Variants in KCND2 observed in about 807,000 individuals in gnomAD.
KCND2 encodes A-type voltage-gated potassium channel KCND2.
In KCND2, 16 loss-of-function variants were observed where a neutral mutation model predicts 54.4. That is an observed-to-expected ratio of 0.29 (90% CI 0.20 to 0.45). The LOEUF (loss-of-function observed/expected upper bound fraction) is 0.45, where lower values mean the gene tolerates loss of function less well. Among genes scored for constraint, KCND2 ranks in the 20% least tolerant of loss-of-function variants. The probability of loss-of-function intolerance (pLI) is 1.00; values close to 1 mark genes in which losing one functional copy is unlikely to be tolerated. For missense variants in KCND2, 486 were observed against 824.2 expected, an observed-to-expected ratio of 0.59 and a Z score of 5.02; for synonymous variants, 317 against 310.7, an observed-to-expected ratio of 1.02 and a Z score of -0.21.
chr7:120,337,357 T>C (rs549732372), intron 1 of KCND2, among the ~76,000 whole-genome samples: 1 of 152,302 alleles, frequency 6.6e-6, no homozygotes, highest in East Asian at 1.9e-4. Flanking sequence ...CAAGCAAAGA[T>C]TATCAAACCT....
intron 1 of KCND2, among the ~76,000 whole-genome samples, chr7:120,492,154 C>T (rs560400946): frequency 6.6e-6 from 1 of 152,108 alleles, no homozygotes; most frequent in South Asian, 2.1e-4. Context: ...CCCATCACTA[C>T]TCATTCTTGT....
At chr7:120,570,972 C>T (rs535445047) in intron 1 of KCND2, among the ~76,000 whole-genome samples, 7 of 152,124 alleles carry the variant, frequency 4.6e-5, no homozygotes, top group Non-Finnish European at 7.4e-5. Flanking sequence ...CTAACAGTTC[C>T]GCAACTTTGT....
chr7:120,426,862 C>T (rs923705277), intron 1 of KCND2, among the ~76,000 whole-genome samples: 25 of 152,166 alleles, frequency 1.6e-4, no homozygotes, highest in African/African-American at 2.4e-4. Flanking sequence ...CCTCGTGATC[C>T]GCCCGCTTCA....
intron 1 of KCND2, among the ~76,000 whole-genome samples, chr7:120,598,233 C>A (rs1045676419): frequency 1.3e-5 from 2 of 151,922 alleles, no homozygotes; most frequent in Admixed American, 6.6e-5. Flanking sequence ...TGTAAAAAAT[C>A]GGTAGCATCA....
intron 1 of KCND2, among the ~76,000 whole-genome samples, chr7:120,673,562 A>G (rs976623816): frequency 3.9e-5 from 6 of 152,028 alleles, no homozygotes; most frequent in African/African-American, 9.7e-5. Context: ...CTCCTTCTCC[A>G]TATCATTATT....
chr7:120,475,866 T>C (rs1170935134), intron 1 of KCND2, among the ~76,000 whole-genome samples: 1 of 152,128 alleles, frequency 6.6e-6, no homozygotes, highest in Non-Finnish European at 1.5e-5. Flanking sequence ...AAATAGAATA[T>C]TATAACATCC....
chr7:120,646,071 T>G (rs780227472), intron 1 of KCND2, among the ~76,000 whole-genome samples: 2 of 152,214 alleles, frequency 1.3e-5, no homozygotes, highest in Non-Finnish European at 2.9e-5. Flanking sequence ...GATAAAAATG[T>G]GGCCCTAGGA....
chr7:120,464,910 T>C (rs2116247995), intron 1 of KCND2, among the ~76,000 whole-genome samples: 1 of 152,290 alleles, frequency 6.6e-6, no homozygotes, highest in South Asian at 2.1e-4. Context: ...TTTCAACTTT[T>C]AAAGGGCTCA....
intron 1 of KCND2, among the ~76,000 whole-genome samples, chr7:120,386,774 T>C (rs1470622099): frequency 6.6e-6 from 1 of 152,102 alleles, no homozygotes; most frequent in Non-Finnish European, 1.5e-5. Context: ...CTTAACCTTC[T>C]TTATGTTAAA....
intron 1 of KCND2, among the ~76,000 whole-genome samples, chr7:120,437,858 A>G (rs958427916): frequency 5.3e-5 from 8 of 152,220 alleles, no homozygotes; most frequent in Admixed American, 2.0e-4. Flanking sequence ...AAGAAATGTG[A>G]TCTGCCTTTA....
At chr7:120,529,529 C>T (rs1265976332) in intron 1 of KCND2, among the ~76,000 whole-genome samples, 2 of 152,160 alleles carry the variant, frequency 1.3e-5, no homozygotes, top group African/African-American at 4.8e-5. Context: ...TCCTAGTTGA[C>T]CCCTGAGTAC....
intron 1 of KCND2, among the ~76,000 whole-genome samples, chr7:120,375,485 A>G (rs1289244228): frequency 6.6e-6 from 1 of 151,792 alleles, no homozygotes; most frequent in Non-Finnish European, 1.5e-5. Context: ...GTCAGTTTAA[A>G]TGTACCATAA....
intron 1 of KCND2, among the ~76,000 whole-genome samples, chr7:120,316,663 C>G (rs1296058233): frequency 6.6e-6 from 1 of 152,120 alleles, no homozygotes; most frequent in Non-Finnish European, 1.5e-5. Context: ...ATATTGGCCA[C>G]TTATTCTGAT....
At chr7:120,280,977 G>A (rs1276359659) in intron 1 of KCND2, among the ~76,000 whole-genome samples, 1 of 151,942 alleles carries the variant, frequency 6.6e-6, no homozygotes, top group Non-Finnish European at 1.5e-5. Flanking sequence ...ACAGCACTGG[G>A]GTTTATCATA....
At chr7:120,655,435 A>T (rs527883935) in intron 1 of KCND2, among the ~76,000 whole-genome samples, 1 of 152,230 alleles carries the variant, frequency 6.6e-6, no homozygotes, top group African/African-American at 2.4e-5. Flanking sequence ...AATAATTATT[A>T]TACTATAGTG....
At chr7:120,469,106 T>G (rs1802418588) in intron 1 of KCND2, among the ~76,000 whole-genome samples, 1 of 152,098 alleles carries the variant, frequency 6.6e-6, no homozygotes, top group African/African-American at 2.4e-5. Flanking sequence ...AAAATTAAAT[T>G]GAAAACTTAC....
intron 1 of KCND2, among the ~76,000 whole-genome samples, chr7:120,596,532 C>T (rs1562883525): frequency 1.3e-5 from 2 of 152,100 alleles, no homozygotes; most frequent in Admixed American, 6.6e-5. Context: ...TCTTAATCTC[C>T]GTAAAGTTGT....
intron 1 of KCND2, among the ~76,000 whole-genome samples, chr7:120,690,465 G>A (rs1792254933): frequency 6.6e-6 from 1 of 152,154 alleles, no homozygotes; most frequent in South Asian, 2.1e-4. Context: ...AGAACCACGT[G>A]CTTGCACAGA....
At chr7:120,568,694 C>G (rs977662823) in intron 1 of KCND2, among the ~76,000 whole-genome samples, 2 of 152,040 alleles carry the variant, frequency 1.3e-5, no homozygotes, top group Non-Finnish European at 1.5e-5. Context: ...TTGATTTGTT[C>G]CCTTTAGTAA....
Sources: allele counts gnomAD v4.1 joint callset (sites outside exome capture counted in the v4.1 genomes callset), GRCh38; gene constraint gnomAD v4.1.1; transcripts MANE v1.5; gene names NCBI Gene and HGNC (gene_info 2026-07-23, HGNC 2026-07-21).